The following VAPB variants were observed in gnomAD, a reference collection of about 807,000 sequenced individuals.
VAPB encodes the protein VAMP associated protein B and C.
VAPB carries 7 observed loss-of-function variants against 25.6 expected under a neutral mutation model. The ratio of observed to expected loss-of-function variants is 0.27; its 90% CI spans 0.16 to 0.51. The LOEUF is 0.51. VAPB is among the 20% of genes least tolerant of loss of function. VAPB has a pLI of 0.97. For synonymous variants in VAPB, 112 were observed against 109.2 expected, an observed-to-expected ratio of 1.03 and a Z score of -0.16; for missense variants, 266 against 301.3, an observed-to-expected ratio of 0.88 and a Z score of 0.87.
At position 58,395,608 on chromosome 20, in the gene VAPB, T is replaced by G. The variant is rs372855705; in HGVS notation, c.58+6091T>G. ...CAAGACAAGGTTGCCATAGAATGTCTTTAATAAAATAAAACAAAAGCCTTT... is the reference window on the plus strand; with the variant it reads ...CAAGACAAGGTTGCCATAGAATGTCGTTAATAAAATAAAACAAAAGCCTTT... On this transcript the variant is annotated intron_variant, in intron 1 of 5. Transcript: ENST00000475243. Among the ~76,000 whole-genome samples the G allele has an allele frequency of 3.9e-5, 6 of 152,366 alleles. No homozygotes were observed. The East Asian group carries it at 1.2e-3, about 29-fold the overall frequency.
chr20:58,389,301 G>T lies in VAPB; in HGVS notation c.-159G>T, dbSNP rs994589745. The T allele has an allele frequency of 1.5e-6, 1 of 672,716 alleles. No homozygotes were observed. The highest frequency in any genetic ancestry group is 2.2e-5 in the Admixed American group (1 of 45,424). 41.7% of individuals were successfully genotyped at this position (672,716 alleles called of 1,614,324 possible). A position where few individuals can be genotyped will look rare whatever the true frequency, so the allele number is the denominator to read the frequency against. ...CCCCTGCGCCTGCACCGCGTAGACC[G>T]ACCCCCCCCCAGCGCGCCCACCCGG... On this transcript the variant is annotated 5_prime_UTR_variant, in exon 1 of 6. Coordinates refer to ENST00000475243, the MANE Select transcript of VAPB (RefSeq NM_004738.5).
At chr20:58,413,180 TG>T in intron 1 of VAPB, among the ~76,000 whole-genome samples, 1 of 150,868 alleles carries the variant, frequency 6.6e-6, no homozygotes, top group African/African-American at 2.4e-5. Flanking sequence ...TGATAATTCT[TG>T]GGTGTTTCTC....
At position 58,444,657 on chromosome 20, in the gene VAPB, C is replaced by T. The variant is rs1989238407; in HGVS notation, c.*422C>T. On this transcript the variant is annotated 3_prime_UTR_variant, in exon 6 of 6. Coordinates refer to ENST00000475243, the MANE Select transcript of VAPB (RefSeq NM_004738.5). ...ATGCTGGGGAGTGCGGTCAGCTCCA[C>T]ACAGTAGTCCCCACGTGGCCCACTC... 1 of 454,732 alleles carries T rather than the reference C, an allele frequency of 2.2e-6. No individual in the cohort carries two copies. The highest frequency in any genetic ancestry group is 4.4e-6 in the Non-Finnish European group (1 of 227,192). 28.2% of individuals were successfully genotyped at this position (454,732 alleles called of 1,614,324 possible). A position where few individuals can be genotyped will look rare whatever the true frequency, so the allele number is the denominator to read the frequency against.
At chr20:58,402,882 A>G (rs2123031285) in intron 1 of VAPB, among the ~76,000 whole-genome samples, 1 of 152,242 alleles carries the variant, frequency 6.6e-6, no homozygotes, top group East Asian at 1.9e-4. Context: ...GTGCATGCCC[A>G]TAATCCCAGC....
chr20:58,450,105 A>G lies in VAPB; in HGVS notation c.*5870A>G. On this transcript the variant is annotated 3_prime_UTR_variant, in exon 6 of 6. Coordinates refer to ENST00000475243, the MANE Select transcript of VAPB (RefSeq NM_004738.5). ...ACTTGCCGGTTTTTCCATGTCATAC[A>G]AAAAAGTCCTGGCTGTTTCTCCGAA... 1 of 454,100 alleles carries G rather than the reference A, an allele frequency of 2.2e-6. No individual in the cohort carries two copies. Among genetic ancestry groups the G allele is most frequent in the South Asian group, 1.6e-5 (1 of 64,458 alleles). 28.1% of individuals were successfully genotyped at this position (454,100 alleles called of 1,614,324 possible). A position where few individuals can be genotyped will look rare whatever the true frequency, so the allele number is the denominator to read the frequency against.
rs1395243267 is a variant in VAPB, at chr20:58,389,314, C to A, written c.-146C>A. ...ACCGCGTAGACCGACCCCCCCCCAG[C>A]GCGCCCACCCGGTAGAGGACCCCCG... On this transcript the variant is annotated 5_prime_UTR_variant, in exon 1 of 6. Coordinates refer to ENST00000475243, the MANE Select transcript of VAPB (RefSeq NM_004738.5). 1.0e-5 allele frequency: 6 copies of A among 589,338 alleles called. No homozygotes were observed. The highest frequency in any genetic ancestry group is 2.1e-5 in the African/African-American group (1 of 48,002). The allele number at this position is 589,338 out of a possible 1,614,324, so 36.5% of individuals were successfully genotyped here. A position where few individuals can be genotyped will look rare whatever the true frequency, so the allele number is the denominator to read the frequency against.
chr20:58,444,453 A>G lies in VAPB; in HGVS notation c.*218A>G, dbSNP rs553441779. 1.4e-6 allele frequency: 1 copy of G among 697,450 alleles called. No individual in the cohort carries two copies. Among genetic ancestry groups the G allele is most frequent in the Non-Finnish European group, 2.6e-6 (1 of 390,346 alleles). 43.2% of individuals were successfully genotyped at this position (697,450 alleles called of 1,614,324 possible). On this transcript the variant is annotated 3_prime_UTR_variant, in exon 6 of 6. Transcript: ENST00000475243. ...GTTAAAAATGTATAGTAACTGATTG[A>G]GGGGGAAAAGAATGATCTTTATTAA...
chr20:58,411,051 G>T (rs913862564), intron 1 of VAPB, among the ~76,000 whole-genome samples: 3 of 152,208 alleles, frequency 2.0e-5, no homozygotes, highest in African/African-American at 7.2e-5. Flanking sequence ...ACCAAGGAGG[G>T]TGATTGCTGG....
chr20:58,449,100 G>A lies in VAPB; in HGVS notation c.*4865G>A, dbSNP rs1046415600. The stretch of plus-strand genomic sequence containing the variant: ...GCAAGTAATAGAAGCCCCTGATAAG[G>A]AGCGTCAGCCGACAGGCAAGCTTGG... On this transcript the variant is annotated 3_prime_UTR_variant, in exon 6 of 6. Coordinates refer to ENST00000475243, the MANE Select transcript of VAPB (RefSeq NM_004738.5). 1.1e-5 allele frequency: 5 copies of A among 453,992 alleles called. No homozygotes were observed. Among genetic ancestry groups the A allele is most frequent in the Middle Eastern group, 6.8e-4 (1 of 1,466 alleles). 28.1% of individuals were successfully genotyped at this position (453,992 alleles called of 1,614,324 possible).
intron 1 of VAPB, among the ~76,000 whole-genome samples, chr20:58,392,606 G>A (rs1987833957): frequency 6.6e-6 from 1 of 152,182 alleles, no homozygotes; most frequent in Admixed American, 6.5e-5. Flanking sequence ...ACATTTAACT[G>A]GTTTCTTCCA....
At chr20:58,410,512 G>C (rs1053329376) in intron 1 of VAPB, among the ~76,000 whole-genome samples, 3 of 152,078 alleles carry the variant, frequency 2.0e-5, no homozygotes, top group African/African-American at 7.2e-5. Context: ...CGCCTCCTGG[G>C]TTCAAACTGT....
Position 58,449,837 on chromosome 20 carries a change from T to C in VAPB, c.*5602T>C. The C allele has an allele frequency of 2.2e-6, 1 of 454,140 alleles. No individual in the cohort carries two copies. Among genetic ancestry groups the C allele is most frequent in the Non-Finnish European group, 4.4e-6 (1 of 226,796 alleles). The allele number at this position is 454,140 out of a possible 1,614,324, so 28.1% of individuals were successfully genotyped here. On this transcript the variant is annotated 3_prime_UTR_variant, in exon 6 of 6. Coordinates refer to ENST00000475243, the MANE Select transcript of VAPB (RefSeq NM_004738.5). ...CTTTCCTGCTTGCATTCTGATGAGC[T>C]GCAGGAGTGCGCCTGGCCTTCTGCA... is the stretch of plus-strand genomic sequence containing the variant.
At chr20:58,426,050 G>T (rs1003807300) in intron 2 of VAPB, among the ~76,000 whole-genome samples, 1 of 152,012 alleles carries the variant, frequency 6.6e-6, no homozygotes, top group Non-Finnish European at 1.5e-5. Flanking sequence ...GTGCCACCAT[G>T]CCCAGCTAAA....
intron 1 of VAPB, among the ~76,000 whole-genome samples, chr20:58,405,370 G>C (rs1380451445): frequency 6.6e-6 from 1 of 152,186 alleles, no homozygotes; most frequent in Non-Finnish European, 1.5e-5. Context: ...GAAGAGGGCA[G>C]GAGCCTTGCC....
intron 5 of VAPB, among the ~76,000 whole-genome samples, chr20:58,443,147 T>C (rs1183763645): frequency 6.6e-6 from 1 of 152,176 alleles, no homozygotes; most frequent in African/African-American, 2.4e-5. Flanking sequence ...TTTCTTACAT[T>C]TCCATGTAGT....
intron 2 of VAPB, among the ~76,000 whole-genome samples, chr20:58,421,828 G>C (rs551224259): frequency 1.3e-4 from 20 of 152,156 alleles, no homozygotes; most frequent in Non-Finnish European, 2.2e-4. Flanking sequence ...CACAGGTTCA[G>C]ATTGTGACAT....
chr20:58,416,671 G>A (rs1287637254), intron 1 of VAPB, among the ~76,000 whole-genome samples: 4 of 151,990 alleles, frequency 2.6e-5, no homozygotes, highest in South Asian at 2.1e-4. Context: ...ACTAGCTGTC[G>A]TTTGATTTTG....
chr20:58,448,375 T>C lies in VAPB; in HGVS notation c.*4140T>C. 2.2e-6 allele frequency: 1 copy of C among 454,112 alleles called. No homozygotes were observed. The highest frequency in any genetic ancestry group is 1.6e-5 in the South Asian group (1 of 64,472). The allele number at this position is 454,112 out of a possible 1,614,324, so 28.1% of individuals were successfully genotyped here. ...AGACAGATCTGCTCTGATAGGAACC[T>C]TTTCAAGAAAGTTACTGTTGTTTCA... On this transcript the variant is annotated 3_prime_UTR_variant, in exon 6 of 6. Transcript: ENST00000475243.
chr20:58,405,613 A>C (rs1988207447), intron 1 of VAPB, among the ~76,000 whole-genome samples: 1 of 149,910 alleles, frequency 6.7e-6, no homozygotes. Context: ...TGCCCAGCTA[A>C]TTTTTTTATT....
Sources: gnomAD v4.1 joint callset for allele counts (sites outside exome capture counted in the v4.1 genomes callset) on GRCh38, gnomAD v4.1.1 for gene constraint, MANE v1.5 for transcripts, NCBI Gene and HGNC (gene_info 2026-07-23, HGNC 2026-07-21) for gene names.